The following SLC9A2 variants were observed in gnomAD, a reference collection of about 807,000 sequenced individuals.
SLC9A2 encodes solute carrier family 9 member A2.
Under a neutral mutation model 71.7 loss-of-function variants are expected in SLC9A2, and 42 were observed. That is an observed-to-expected ratio of 0.59 (90% CI 0.46 to 0.76). SLC9A2 has a LOEUF of 0.76. SLC9A2 is among the 30% of genes least tolerant of loss of function. SLC9A2 has a pLI of 0.00. For synonymous variants in SLC9A2, 396 were observed against 392.5 expected, an observed-to-expected ratio of 1.01 and a Z score of -0.10; for missense variants, 829 against 1,017.4, an observed-to-expected ratio of 0.81 and a Z score of 2.52.
At chr2:102,628,945 G>T (rs2104498491) in intron 1 of SLC9A2, among the ~76,000 whole-genome samples, 1 of 151,882 alleles carries the variant, frequency 6.6e-6, no homozygotes, top group Admixed American at 6.6e-5. Context: ...CTTATTTTAT[G>T]GACATTTTAA....
Position 102,619,568 on chromosome 2 carries a change from G to C in SLC9A2, c.-281G>C, listed in dbSNP as rs1281498799. 4 of 265,296 alleles carry C rather than the reference G, an allele frequency of 1.5e-5. No individual in the cohort carries two copies. The highest frequency in any genetic ancestry group is 1.1e-4 in the Admixed American group (2 of 18,310). The allele number at this position is 265,296 out of a possible 1,614,324, so 16.4% of individuals were successfully genotyped here. A position where few individuals can be genotyped will look rare whatever the true frequency, so the allele number is the denominator to read the frequency against. Reference sequence around the variant, plus strand: ...CGCTGCGGCTGGAGAGCAGCGCACCGGCATGGGCAGGCGGCCGGCGGCGGA... The same window carrying C: ...CGCTGCGGCTGGAGAGCAGCGCACCCGCATGGGCAGGCGGCCGGCGGCGGA... On this transcript the variant is annotated 5_prime_UTR_variant, in exon 1 of 12. Coordinates refer to ENST00000233969, the MANE Select transcript of SLC9A2 (RefSeq NM_003048.6). The surrounding 1 kb of genome is among the most constrained non-coding windows in gnomAD (Gnocchi z 4.3).
intron 1 of SLC9A2, among the ~76,000 whole-genome samples, chr2:102,636,870 A>G (rs1358940436): frequency 6.6e-6 from 1 of 152,128 alleles, no homozygotes; most frequent in African/African-American, 2.4e-5. Flanking sequence ...GAACTTGTCA[A>G]CCCCTTGGAC....
intron 11 of SLC9A2, among the ~76,000 whole-genome samples, chr2:102,707,349 A>C (rs1219857199): frequency 6.8e-6 from 1 of 146,654 alleles, no homozygotes; most frequent in Non-Finnish European, 1.5e-5. Flanking sequence ...GAAGAGGGAA[A>C]CCTAAATGAT....
intron 1 of SLC9A2, 107 bp from the exon 2 acceptor site, chr2:102,657,457 G>A: frequency 2.9e-6 from 2 of 680,854 alleles, no homozygotes. Context: ...ATACTGACTT[G>A]GGAGATGGTG....
At chr2:102,653,303 T>C (rs1185969156) in intron 1 of SLC9A2, among the ~76,000 whole-genome samples, 2 of 152,038 alleles carry the variant, frequency 1.3e-5, no homozygotes, top group Admixed American at 6.6e-5. Flanking sequence ...AAGAAAGGAG[T>C]ACAGATTTGA....
chr2:102,625,495 G>T (rs575186233), intron 1 of SLC9A2, among the ~76,000 whole-genome samples: 2 of 132,022 alleles, frequency 1.5e-5, no homozygotes, highest in South Asian at 2.4e-4. Context: ...AACAGGTCCC[G>T]GTGTGTGATG....
chr2:102,674,680 G>A (rs1677317443), intron 3 of SLC9A2, among the ~76,000 whole-genome samples: 1 of 152,194 alleles, frequency 6.6e-6, no homozygotes, highest in Non-Finnish European at 1.5e-5. Context: ...TGTTAATGAA[G>A]GAAGCCAAAC....
rs192025905 is a variant in SLC9A2, at chr2:102,690,809, C to T, written c.1426-3605C>T. Among the ~76,000 whole-genome samples the T allele has an allele frequency of 1.9e-3, 296 of 152,086 alleles. 1 individual carries two copies. Among genetic ancestry groups the T allele is most frequent in the African/African-American group, 5.9e-3 (246 of 41,480 alleles). Reference sequence around the variant, plus strand: ...GACCTTCCATAAGACAGCATAGCAGCGATAGTGATATTTTTTAATACATGA... The same window carrying T: ...GACCTTCCATAAGACAGCATAGCAGTGATAGTGATATTTTTTAATACATGA... On this transcript the variant is annotated intron_variant, in intron 5 of 11. Transcript: ENST00000233969.
chr2:102,656,049 AG>A (rs1011314938), intron 1 of SLC9A2, among the ~76,000 whole-genome samples: 2 of 152,226 alleles, frequency 1.3e-5, no homozygotes, highest in African/African-American at 4.8e-5. Context: ...TAAGTTTTAG[AG>A]GGGGGACAGC....
rs1227106530 is a variant in SLC9A2, at chr2:102,708,119, A to G, written c.2069A>G (p.Asp690Gly). ...CACCTTGTCTTTTGCTCCGTGATAGATGGCAATAGCAGCGACTCAGACGCA... is the reference window on the plus strand; with the variant it reads ...CACCTTGTCTTTTGCTCCGTGATAGGTGGCAATAGCAGCGACTCAGACGCA... ...LQKRRTISIADGNSSDSDADA... is the reference protein window; with the variant it reads ...LQKRRTISIAGGNSSDSDADA... The change falls in exon 12 of 12, where the codon GAT becomes GGT. Residue 690 changes from aspartate (D) to glycine (G), a missense_variant and splice_region_variant. Physicochemically the swap from Asp to Gly is moderately conservative, Grantham distance 94 (BLOSUM62 -1). This residue lies in a region of SLC9A2 where 223 missense variants were observed against 197.5 expected (regional missense o/e 1.13). Transcript: ENST00000233969. 2.5e-6 allele frequency: 4 copies of G among 1,608,802 alleles called. No individual in the cohort carries two copies. The highest frequency in any genetic ancestry group is 3.4e-6 in the Non-Finnish European group (4 of 1,177,570).
chr2:102,689,451 T>A (rs1382879908), intron 5 of SLC9A2, among the ~76,000 whole-genome samples: 1 of 152,164 alleles, frequency 6.6e-6, no homozygotes, highest in Non-Finnish European at 1.5e-5. Context: ...ATTACATGAA[T>A]CTTTGCTGAT....
At position 102,619,829 on chromosome 2, in the gene SLC9A2, GGCGGCA is replaced by G; in HGVS notation, c.-19_-14del. ...CGGAGGGCCAACCGCCGGTCCCCTT[GGCGGCA>G]ACCGGCGGCACCCATGGAACCACTG... On this transcript the variant is annotated 5_prime_UTR_variant, in exon 1 of 12. Transcript: ENST00000233969. This position sits in a 1 kb window ranked among gnomAD's most constrained non-coding sequence, Gnocchi z 4.3. 1 of 1,475,468 alleles carries G rather than the reference GGCGGCA, an allele frequency of 6.8e-7. No individual in the cohort carries two copies. Among genetic ancestry groups the G allele is most frequent in the Non-Finnish European group, 9.0e-7 (1 of 1,114,984 alleles). 91.4% of individuals were successfully genotyped at this position (1,475,468 alleles called of 1,614,324 possible). A position where few individuals can be genotyped will look rare whatever the true frequency, so the allele number is the denominator to read the frequency against.
In SLC9A2 at chr2:102,705,929, T is replaced by C. The variant is rs760821820; in HGVS notation, c.2061T>C (p.Ser687=). The C allele has an allele frequency of 5.0e-6, 8 of 1,584,622 alleles. No homozygotes were observed. Among genetic ancestry groups the C allele is most frequent in the Non-Finnish European group, 6.9e-6 (8 of 1,159,522 alleles). The change falls in exon 11 of 12, where the codon TCT becomes TCC. Residue 687 remains serine (S), a synonymous_variant. Transcript: ENST00000233969. ...PEKLQKRRTI[S]IADGNSSDSD... ...AGCTACAAAAGAGGAGGACTATTTC[T>C]ATTGCAGGTAGTGAATATAGTTGGA...
chr2:102,690,948 AAACAAG>A (rs199910069), intron 5 of SLC9A2, among the ~76,000 whole-genome samples: 4,323 of 147,036 alleles, frequency 0.029, 112 homozygotes, highest in Non-Finnish European at 0.039. Context: ...AAGCAACACA[AAACAAG>A]AACTCATTTT....
In SLC9A2 at chr2:102,695,817, A is replaced by T. The variant is rs367559781; in HGVS notation, c.1586+704A>T. Among the ~76,000 whole-genome samples, 112 of 133,870 alleles carry T rather than the reference A, an allele frequency of 8.4e-4. 3 individuals carry two copies. The South Asian group carries it at 0.023, about 28-fold the overall frequency. The allele number at this position is 133,870 out of a possible 152,430, so 87.8% of individuals were successfully genotyped here. A position where few individuals can be genotyped will look rare whatever the true frequency, so the allele number is the denominator to read the frequency against. ...TATATATATTATATATATATATAATATATATATAAAAAGCTAAAATTATCT... is the reference window on the plus strand; with the variant it reads ...TATATATATTATATATATATATAATTTATATATAAAAAGCTAAAATTATCT... On this transcript the variant is annotated intron_variant, in intron 7 of 11. Transcript: ENST00000233969.
chr2:102,667,261 A>G (rs911411479), intron 3 of SLC9A2, among the ~76,000 whole-genome samples: 2 of 152,160 alleles, frequency 1.3e-5, no homozygotes, highest in African/African-American at 4.8e-5. Flanking sequence ...TTGAAAATGT[A>G]TGACCAGCTA....
intron 5 of SLC9A2, among the ~76,000 whole-genome samples, chr2:102,693,681 C>A (rs569866615): frequency 6.6e-6 from 1 of 152,312 alleles, no homozygotes; most frequent in Admixed American, 6.5e-5. Flanking sequence ...TCCTCTGCTC[C>A]AAGCTTTCCT....
intron 1 of SLC9A2, among the ~76,000 whole-genome samples, chr2:102,632,406 T>C (rs1005834784): frequency 1.3e-5 from 2 of 151,706 alleles, no homozygotes; most frequent in African/African-American, 4.8e-5. Context: ...ATTAAAGTGA[T>C]GTGTAGACAT....
chr2:102,686,239 G>A (rs999431650), intron 5 of SLC9A2, among the ~76,000 whole-genome samples: 1 of 152,112 alleles, frequency 6.6e-6, no homozygotes, highest in African/African-American at 2.4e-5. Flanking sequence ...AGGAAAGTGG[G>A]GCACTGAAAC....
Sources: allele counts gnomAD v4.1 joint callset (sites outside exome capture counted in the v4.1 genomes callset), GRCh38; gene constraint gnomAD v4.1.1; regional missense constraint gnomAD v4.1.1; non-coding constraint Gnocchi (gnomAD v3.1); transcripts MANE v1.5; gene names NCBI Gene and HGNC (gene_info 2026-07-23, HGNC 2026-07-21).